Variants in MLIP observed in about 807,000 individuals in gnomAD.
MLIP encodes the protein muscular LMNA interacting protein.
Under a neutral mutation model 84.8 loss-of-function variants are expected in MLIP, and 79 were observed. The ratio of observed to expected loss-of-function variants is 0.93; its 90% confidence interval spans 0.78 to 1.12. The LOEUF is 1.12. Ranked by LOEUF, MLIP falls within the 50% of genes most tolerant of loss-of-function variation. The pLI is 0.00. For missense variants in MLIP, 1,257 were observed against 1,160.6 expected (o/e 1.08, Z -1.21); for synonymous variants, 504 against 463.0 (o/e 1.09, Z -1.14).
chr6:54,068,086 T>TC (rs1766303685), intron 1 of MLIP, among the ~76,000 whole-genome samples: 1 of 78,376 alleles, frequency 1.3e-5, no homozygotes, highest in Non-Finnish European at 3.9e-5. Flanking sequence ...CTTCCTTCCT[T>TC]CTTTTTCTCT....
chr6:54,205,610 T>A (rs968028328), intron 11 of MLIP, among the ~76,000 whole-genome samples: 6 of 152,230 alleles, frequency 3.9e-5, no homozygotes, highest in Non-Finnish European at 8.8e-5. Flanking sequence ...CTGGGCAGCC[T>A]TTTGACCTGA....
chr6:54,145,240 AAAATAAATGAATTTGGTTTAGC>A (rs1772680160), intron 4 of MLIP, among the ~76,000 whole-genome samples: 1 of 152,194 alleles, frequency 6.6e-6, no homozygotes, highest in Admixed American at 6.5e-5. Context: ...GCCAAAGAGG[AAAATAAATGAATTTGGTTTAGC>A]ACCTGGAAGC....
chr6:54,189,503 C>T (rs9474756), intron 9 of MLIP, among the ~76,000 whole-genome samples: 4,799 of 151,968 alleles, frequency 0.032, 220 homozygotes, highest in African/African-American at 0.11. Context: ...GAAATAGCAA[C>T]GATGCTGGTA....
At chr6:54,205,864 T>G (rs2150726290) in intron 11 of MLIP, among the ~76,000 whole-genome samples, 1 of 152,350 alleles carries the variant, frequency 6.6e-6, no homozygotes, top group East Asian at 1.9e-4. Flanking sequence ...TCACTCGTTA[T>G]TCAGTTAATT....
chr6:54,124,105 A>T (rs1770701009), intron 2 of MLIP, among the ~76,000 whole-genome samples: 1 of 152,194 alleles, frequency 6.6e-6, no homozygotes. Context: ...AAGGATATAC[A>T]GTTTGCTTCA....
At chr6:54,135,825 T>C (rs1316451194) in intron 3 of MLIP, among the ~76,000 whole-genome samples, 1 of 152,184 alleles carries the variant, frequency 6.6e-6, no homozygotes, top group East Asian at 1.9e-4. Flanking sequence ...ATTTTTAAAA[T>C]GGCACAAGAC....
chr6:54,148,688 C>A (rs976914181), intron 4 of MLIP, among the ~76,000 whole-genome samples: 26 of 152,060 alleles, frequency 1.7e-4, no homozygotes, highest in African/African-American at 5.8e-4. Flanking sequence ...AAGAAACATT[C>A]CTTTGAGGAT....
At chr6:54,126,394 C>T (rs1770920984) in intron 3 of MLIP, among the ~76,000 whole-genome samples, 1 of 151,336 alleles carries the variant, frequency 6.6e-6, no homozygotes, top group African/African-American at 2.4e-5. Flanking sequence ...AATATTTTTT[C>T]CAAAAAAGGT....
chr6:54,083,436 C>T, intron 1 of MLIP: 2 of 1,502,232 alleles, frequency 1.3e-6, no homozygotes, highest in South Asian at 1.3e-5. Flanking sequence ...ATAATTTGTA[C>T]AGTGCTTTGT....
intron 9 of MLIP, among the ~76,000 whole-genome samples, chr6:54,177,022 C>T (rs1776357595): frequency 6.6e-6 from 1 of 152,042 alleles, no homozygotes; most frequent in African/African-American, 2.4e-5. Context: ...AAACTGGACC[C>T]CTTCCTCACA....
At chr6:54,133,339 C>T (rs377190435) in intron 3 of MLIP, among the ~76,000 whole-genome samples, 44 of 152,274 alleles carry the variant, frequency 2.9e-4, no homozygotes, top group Admixed American at 1.3e-3. Flanking sequence ...TGTAGCATTA[C>T]AAGCATTCAT....
In MLIP at chr6:54,121,478, T is replaced by C. The variant is rs946349198; in HGVS notation, c.128T>C (p.Leu43Pro). The C allele has an allele frequency of 6.2e-7, 1 of 1,614,044 alleles. No homozygotes were observed. Among genetic ancestry groups the C allele is most frequent in the Admixed American group, 1.7e-5 (1 of 60,000 alleles). Residue 43 changes from leucine to proline, a missense_variant, in exon 2 of 14, where the codon CTG becomes CCG. Coordinates refer to ENST00000502396, the MANE Select transcript of MLIP (RefSeq NM_001281747.2). ...VSAGGSEAKP[L>P]IFTFVPTVRR... is the part of the protein sequence containing the mutation. Reference sequence around the variant, plus strand: ...GCTGGTGGTTCTGAAGCCAAACCTCTGATCTTCACATTTGTCCCCACTGTC... The same window carrying C: ...GCTGGTGGTTCTGAAGCCAAACCTCCGATCTTCACATTTGTCCCCACTGTC...
At chr6:54,142,477 A>G (rs1013677154) in intron 4 of MLIP, among the ~76,000 whole-genome samples, 18 of 152,158 alleles carry the variant, frequency 1.2e-4, no homozygotes, top group Admixed American at 5.9e-4. Flanking sequence ...AAGAGAGTAT[A>G]GTGAGGAAGA....
chr6:54,240,356 C>T (rs1781653821), intron 12 of MLIP, among the ~76,000 whole-genome samples: 1 of 152,148 alleles, frequency 6.6e-6, no homozygotes. Flanking sequence ...TTATTACGGC[C>T]TATTTTTCTA....
At chr6:54,248,370 A>C (rs1782231726) in intron 12 of MLIP, among the ~76,000 whole-genome samples, 1 of 152,134 alleles carries the variant, frequency 6.6e-6, no homozygotes, top group Admixed American at 6.6e-5. Flanking sequence ...TCCAATTTCA[A>C]CTTCTGGAAT....
chr6:54,189,585 T>C (rs983727027), intron 9 of MLIP, among the ~76,000 whole-genome samples: 4 of 152,186 alleles, frequency 2.6e-5, no homozygotes, highest in Non-Finnish European at 5.9e-5. Context: ...GATGTCATGA[T>C]ATAATGCTTA....
intron 9 of MLIP, among the ~76,000 whole-genome samples, 181 bp from the exon 10 acceptor site, chr6:54,189,689 A>G (rs566516844): frequency 1.3e-5 from 2 of 152,192 alleles, no homozygotes; most frequent in East Asian, 3.8e-4. Context: ...ATTTATGGCT[A>G]TGTACCAAAA....
At chr6:54,044,636 G>GTT (rs11432361) in intron 1 of MLIP, among the ~76,000 whole-genome samples, 33 of 145,860 alleles carry the variant, frequency 2.3e-4, no homozygotes, top group Middle Eastern at 7.1e-3. Context: ...CGTGGTAGAC[G>GTT]TTTTTTTTTT....
Position 54,184,874 on chromosome 6 carries a change from A to G in MLIP, c.2545-4996A>G, listed in dbSNP as rs539717508. Among the ~76,000 whole-genome samples the G allele has an allele frequency of 4.6e-5, 7 of 152,280 alleles. No individual in the cohort carries two copies. In the East Asian group the frequency reaches 1.2e-3, roughly 25 times the overall value. On this transcript the variant is annotated intron_variant, in intron 9 of 13. Coordinates refer to ENST00000502396, the MANE Select transcript of MLIP (RefSeq NM_001281747.2). ...AATATGGATTACGAATTTTTATTTC[A>G]CACAAGAGCCATTCTTATACTCATC...
Sources: gnomAD v4.1 joint callset for allele counts (sites outside exome capture counted in the v4.1 genomes callset) on GRCh38, gnomAD v4.1.1 for gene constraint, MANE v1.5 for transcripts, NCBI Gene and HGNC (gene_info 2026-07-23, HGNC 2026-07-21) for gene names.